The following PRORP variants were observed in gnomAD, a reference collection of about 807,000 sequenced individuals.
PRORP encodes the protein protein only RNase P catalytic subunit.
Under a neutral mutation model 59.4 loss-of-function variants are expected in PRORP, and 51 were observed. The observed-to-expected ratio is 0.86, with a 90% CI of 0.69 to 1.08. PRORP has a LOEUF of 1.08. Among genes scored for constraint, PRORP ranks in the 50% least tolerant of loss-of-function variants. The pLI, the probability that PRORP is intolerant of heterozygous loss-of-function variation, is 0.00. For missense variants in PRORP, 646 were observed against 690.3 expected (o/e 0.94, Z 0.72); for synonymous variants, 231 against 245.6 (o/e 0.94, Z 0.55).
At chr14:35,148,355 A>G (rs1360195021) in intron 4 of PRORP, among the ~76,000 whole-genome samples, 1 of 152,214 alleles carries the variant, frequency 6.6e-6, no homozygotes, top group African/African-American at 2.4e-5. Flanking sequence ...CTCCTTATAC[A>G]TCTCCATAAG....
intron 5 of PRORP, among the ~76,000 whole-genome samples, chr14:35,207,698 C>G (rs894115856): frequency 6.6e-6 from 1 of 152,192 alleles, no homozygotes; most frequent in Non-Finnish European, 1.5e-5. Flanking sequence ...GTCTATCCCT[C>G]AATTCATTCA....
upstream of PRORP, chr14:35,121,843 CCTACCTCTAGGAGT>C: frequency 6.3e-7 from 1 of 1,584,122 alleles, no homozygotes; most frequent in East Asian, 2.2e-5. Context: ...CCACCTCCCC[CCTACCTCTAGGAGT>C]TTAGGGCCGG....
Position 35,177,858 on chromosome 14 carries a change from T to C in PRORP, c.1168-2812T>C, listed in dbSNP as rs1018501315. 8.5e-5 allele frequency among the ~76,000 whole-genome samples: 13 copies of C among 152,352 alleles called. 1 individual carries two copies. The highest frequency in any genetic ancestry group is 8.5e-4 in the Admixed American group (13 of 15,296). ...TGTTAGGGTGTCGATTTTAGATCTT[T>C]CCTGCTTTCTCTTGTGGGCATTTAG... is the stretch of plus-strand genomic sequence containing the variant. On this transcript the variant is annotated intron_variant, in intron 4 of 7. Coordinates refer to ENST00000534898, the MANE Select transcript of PRORP (RefSeq NM_014672.4).
chr14:35,151,175 G>C (rs1411891211), intron 4 of PRORP, among the ~76,000 whole-genome samples: 1 of 152,122 alleles, frequency 6.6e-6, no homozygotes, highest in Non-Finnish European at 1.5e-5. Context: ...TACACTTTTA[G>C]TGTTATTTTT....
Position 35,188,491 on chromosome 14 carries a change from G to A in PRORP, c.1275+7714G>A, listed in dbSNP as rs574798769. Among the ~76,000 whole-genome samples, 155 of 151,772 alleles carry A rather than the reference G, an allele frequency of 1.0e-3. No individual in the cohort carries two copies. The Middle Eastern group carries it at 0.024, about 23-fold the overall frequency. On this transcript the variant is annotated intron_variant, in intron 5 of 7. Transcript: ENST00000534898. ...GGTGTGAGCCATCACACCCAGCTAA[G>A]TTATAATTTTTAACTATATACCAAA...
chr14:35,178,129 C>G (rs1321939064), intron 4 of PRORP, among the ~76,000 whole-genome samples: 1 of 152,094 alleles, frequency 6.6e-6, no homozygotes, highest in Non-Finnish European at 1.5e-5. Context: ...AATTTCTGTT[C>G]TTTTACATTT....
intron 4 of PRORP, among the ~76,000 whole-genome samples, chr14:35,178,502 T>G (rs1018392625): frequency 3.9e-5 from 6 of 152,208 alleles, no homozygotes; most frequent in Non-Finnish European, 8.8e-5. Context: ...TGTAATGGCC[T>G]TCTTTGTCTC....
chr14:35,127,862 C>T (rs115225522), intron 4 of PRORP, among the ~76,000 whole-genome samples: 16,358 of 152,076 alleles, frequency 0.11, 1,113 homozygotes, highest in African/African-American at 0.2. Flanking sequence ...ACTACAATTG[C>T]CAACCTTTCG....
At chr14:35,248,190 G>A (rs551875840) in intron 5 of PRORP, among the ~76,000 whole-genome samples, 7 of 152,234 alleles carry the variant, frequency 4.6e-5, no homozygotes, top group Non-Finnish European at 8.8e-5. Flanking sequence ...AAACCAGTGG[G>A]ATCATTTATG....
intron 5 of PRORP, among the ~76,000 whole-genome samples, chr14:35,242,966 A>G (rs868457365): frequency 2.0e-5 from 3 of 152,338 alleles, no homozygotes; most frequent in Middle Eastern, 6.8e-3. Context: ...ATTCAAAGAC[A>G]TCATGGTATA....
At chr14:35,229,183 C>A (rs1041434220) in intron 5 of PRORP, among the ~76,000 whole-genome samples, 2 of 152,004 alleles carry the variant, frequency 1.3e-5, no homozygotes, top group African/African-American at 4.8e-5. Flanking sequence ...CTTATAGATT[C>A]CTGGATATTA....
chr14:35,151,735 AT>A (rs1294581499), intron 4 of PRORP, among the ~76,000 whole-genome samples: 1 of 151,802 alleles, frequency 6.6e-6, no homozygotes, highest in Non-Finnish European at 1.5e-5. Flanking sequence ...AAGGGTAGGG[AT>A]TTTTAAATGC....
chr14:35,163,792 T>G (rs1057348392), intron 4 of PRORP, among the ~76,000 whole-genome samples: 32 of 152,196 alleles, frequency 2.1e-4, no homozygotes, highest in African/African-American at 7.7e-4. Flanking sequence ...CACTTGTCAA[T>G]TTTTGTTTTT....
Position 35,127,508 on chromosome 14 carries a change from T to C in PRORP, c.1064T>C (p.Ile355Thr), listed in dbSNP as rs376175469. ...CAGTGTTCGGGCTGTGGAAAAACCATAGAGTCTATTCAGCTGAGTCCAGAA... is the reference window on the plus strand; with the variant it reads ...CAGTGTTCGGGCTGTGGAAAAACCACAGAGTCTATTCAGCTGAGTCCAGAA... ...SGQCSGCGKTIESIQLSPEEY... is the reference protein window; with the variant it reads ...SGQCSGCGKTTESIQLSPEEY... The change falls in exon 4 of 8, where the codon ATA (isoleucine) becomes ACA (threonine). Residue 355 changes from isoleucine to threonine, a missense_variant. Coordinates refer to ENST00000534898, the MANE Select transcript of PRORP (RefSeq NM_014672.4). The C allele has an allele frequency of 3.7e-6, 6 of 1,611,642 alleles. No individual in the cohort carries two copies. Among genetic ancestry groups the C allele is most frequent in the East Asian group, 4.5e-5 (2 of 44,758 alleles).
At chr14:35,230,000 T>G (rs2050032139) in intron 5 of PRORP, among the ~76,000 whole-genome samples, 1 of 152,056 alleles carries the variant, frequency 6.6e-6, no homozygotes, top group South Asian at 2.1e-4. Flanking sequence ...GGGTACATAT[T>G]TTTTTTCTCA....
chr14:35,262,783 G>T, intron 5 of PRORP: 1 of 1,233,888 alleles, frequency 8.1e-7, no homozygotes, highest in East Asian at 2.3e-5. Flanking sequence ...CAGGAGAATG[G>T]GTCTCTTGTT....
chr14:35,265,338 CAA>C (rs1291127817), intron 5 of PRORP, among the ~76,000 whole-genome samples: 1 of 152,166 alleles, frequency 6.6e-6, no homozygotes, highest in Non-Finnish European at 1.5e-5. Context: ...TTATATAATA[CAA>C]GTTATAATTT....
chr14:35,245,379 A>G (rs1162175807), intron 5 of PRORP, among the ~76,000 whole-genome samples: 1 of 152,162 alleles, frequency 6.6e-6, no homozygotes, highest in Non-Finnish European at 1.5e-5. Flanking sequence ...ACAGTGGCTC[A>G]CGCCTCTAAT....
chr14:35,201,341 A>T (rs1214527131), intron 5 of PRORP, among the ~76,000 whole-genome samples: 1 of 152,164 alleles, frequency 6.6e-6, no homozygotes, highest in African/African-American at 2.4e-5. Context: ...GGGAGGAGTT[A>T]TGTTTCACTT....
Sources: allele counts gnomAD v4.1 joint callset (sites outside exome capture counted in the v4.1 genomes callset), GRCh38; gene constraint gnomAD v4.1.1; transcripts MANE v1.5; gene names NCBI Gene and HGNC (gene_info 2026-07-23, HGNC 2026-07-21).